The following INPP4B variants were observed in gnomAD, a reference collection of about 807,000 sequenced individuals.
INPP4B encodes the protein inositol polyphosphate 4-phosphatase type II.
A neutral mutation model predicts 122.5 loss-of-function variants in INPP4B; 55 were observed. That is an observed-to-expected ratio of 0.45 (90% CI 0.36 to 0.56). INPP4B has a LOEUF of 0.56. Among genes scored for constraint, INPP4B ranks in the 20% least tolerant of loss-of-function variants. The pLI, the probability that INPP4B is intolerant of heterozygous loss-of-function variation, is 0.00. For missense variants in INPP4B, 1,000 were observed against 1,097.7 expected, an observed-to-expected ratio of 0.91 and a Z score of 1.26; for synonymous variants, 403 against 388.7, an observed-to-expected ratio of 1.04 and a Z score of -0.43.
At chr4:142,335,108 GAAAAAAA>G (rs36074851) in intron 7 of INPP4B, among the ~76,000 whole-genome samples, 1 of 65,164 alleles carries the variant, frequency 1.5e-5, no homozygotes. Flanking sequence ...TGGGAAAAAT[GAAAAAAA>G]AAAAAAAAAA....
chr4:142,494,243 G>A (rs1020045210), intron 2 of INPP4B, among the ~76,000 whole-genome samples: 1 of 152,032 alleles, frequency 6.6e-6, no homozygotes, highest in Admixed American at 6.6e-5. Context: ...ACTAATACAT[G>A]ACTCTGAAGA....
In INPP4B at chr4:142,388,911, C is replaced by T. The variant is rs985186064; in HGVS notation, c.372+14027G>A. Among the ~76,000 whole-genome samples, 6 of 152,182 alleles carry T rather than the reference C, an allele frequency of 3.9e-5. No homozygotes were observed. In the East Asian group the frequency reaches 1.2e-3, roughly 30 times the overall value. ...TTAGGCTGTAGAAACTGCATATTTTCCTAAGCCTGTGTTTCCAAGGACTCC... is the reference window on the plus strand; with the variant it reads ...TTAGGCTGTAGAAACTGCATATTTTTCTAAGCCTGTGTTTCCAAGGACTCC... On this transcript the variant is annotated intron_variant, in intron 7 of 25. Coordinates refer to ENST00000262992, the MANE Select transcript of INPP4B (RefSeq NM_001101669.3).
chr4:142,241,573 G>A (rs1354755281), intron 11 of INPP4B, among the ~76,000 whole-genome samples: 11 of 152,162 alleles, frequency 7.2e-5, no homozygotes, highest in Non-Finnish European at 1.5e-4. Flanking sequence ...TTCAGTAATT[G>A]TGAAAGCCAA....
At chr4:142,452,402 A>G (rs1000279885) in intron 3 of INPP4B, among the ~76,000 whole-genome samples, 2 of 152,226 alleles carry the variant, frequency 1.3e-5, no homozygotes, top group African/African-American at 2.4e-5. Context: ...TGTGTCATTC[A>G]GCAAAAGGGA....
intron 2 of INPP4B, among the ~76,000 whole-genome samples, chr4:142,692,562 TA>T (rs1760343822): frequency 6.6e-6 from 1 of 152,176 alleles, no homozygotes; most frequent in Non-Finnish European, 1.5e-5. Context: ...TTGGAAAGGT[TA>T]AATTAAAGGG....
chr4:142,482,097 T>C (rs922706659), intron 2 of INPP4B, among the ~76,000 whole-genome samples: 1 of 152,192 alleles, frequency 6.6e-6, no homozygotes, highest in Non-Finnish European at 1.5e-5. Context: ...TTGACTGTTA[T>C]GTCTAAATGC....
intron 2 of INPP4B, among the ~76,000 whole-genome samples, chr4:142,626,523 G>C (rs921962965): frequency 6.6e-6 from 1 of 151,966 alleles, no homozygotes; most frequent in Non-Finnish European, 1.5e-5. Context: ...TAAGTAACTG[G>C]ATTCTGCCAA....
chr4:142,723,646 T>C (rs1764974016), intron 2 of INPP4B, among the ~76,000 whole-genome samples: 1 of 152,140 alleles, frequency 6.6e-6, no homozygotes, highest in Non-Finnish European at 1.5e-5. Flanking sequence ...GCTGAGCCCA[T>C]TGCCAGAATT....
At chr4:142,557,759 TC>T (rs1015586269) in intron 2 of INPP4B, among the ~76,000 whole-genome samples, 76 of 152,284 alleles carry the variant, frequency 5.0e-4, no homozygotes, top group African/African-American at 1.8e-3. Context: ...TAATTTATAT[TC>T]CATATAAAAA....
At chr4:142,737,166 C>A (rs890991120) in intron 1 of INPP4B, among the ~76,000 whole-genome samples, 7 of 152,152 alleles carry the variant, frequency 4.6e-5, no homozygotes, top group African/African-American at 1.7e-4. Context: ...CAATCCTAAG[C>A]CAAAAGAACA....
intron 2 of INPP4B, among the ~76,000 whole-genome samples, chr4:142,471,782 A>C (rs1051489580): frequency 2.8e-5 from 4 of 143,562 alleles, no homozygotes; most frequent in African/African-American, 1.0e-4. Flanking sequence ...AAGCCTGAGC[A>C]CCCGCAATCC....
In INPP4B at chr4:142,305,528, A is replaced by G. The variant is rs1763005911; in HGVS notation, c.433T>C (p.Leu145=). 6.2e-7 allele frequency: 1 copy of G among 1,611,766 alleles called. No individual in the cohort carries two copies. Among genetic ancestry groups the G allele is most frequent in the Non-Finnish European group, 8.5e-7 (1 of 1,179,020 alleles). Residue 145 remains leucine (L), a synonymous_variant, in exon 9 of 26, where the codon TTG becomes CTG. Coordinates refer to ENST00000262992, the MANE Select transcript of INPP4B (RefSeq NM_001101669.3). ...CCCACTTTAAAACTGGCATAGCCCA[A>G]GAAACTTCGCTGAAAATAACAGAAA... ...DPPPEVGRSF[L]GYASFKVGEL...
intron 17 of INPP4B, among the ~76,000 whole-genome samples, chr4:142,154,352 T>C (rs1295730447): frequency 1.3e-5 from 2 of 152,216 alleles, no homozygotes; most frequent in Non-Finnish European, 2.9e-5. Flanking sequence ...TTGCCATCAC[T>C]GGTTTCTAGA....
chr4:142,541,807 G>A (rs980754170), intron 2 of INPP4B, among the ~76,000 whole-genome samples: 4 of 152,022 alleles, frequency 2.6e-5, no homozygotes, highest in African/African-American at 9.7e-5. Flanking sequence ...CACATGTAAC[G>A]TTCTCAGCTC....
At chr4:142,564,609 T>C (rs1731238792) in intron 2 of INPP4B, among the ~76,000 whole-genome samples, 1 of 152,092 alleles carries the variant, frequency 6.6e-6, no homozygotes, top group Non-Finnish European at 1.5e-5. Flanking sequence ...ATGAAAATGA[T>C]CTGAATAGAA....
At chr4:142,838,134 T>C (rs976491673) in intron 1 of INPP4B, among the ~76,000 whole-genome samples, 3 of 151,834 alleles carry the variant, frequency 2.0e-5, no homozygotes, top group Non-Finnish European at 4.4e-5. Flanking sequence ...TGAATTGAAC[T>C]ATAGAATTCT....
chr4:142,336,628 G>A (rs994464057), intron 7 of INPP4B, among the ~76,000 whole-genome samples: 1 of 152,244 alleles, frequency 6.6e-6, no homozygotes, highest in African/African-American at 2.4e-5. Context: ...AATCTCTTGA[G>A]TTTTGGGCAT....
Position 142,260,569 on chromosome 4 carries a change from G to GA in INPP4B, c.616-6dup, listed in dbSNP as rs778422193. On this transcript the variant is annotated splice_region_variant and splice_polypyrimidine_tract_variant and intron_variant, in intron 10 of 25. Coordinates refer to ENST00000262992, the MANE Select transcript of INPP4B (RefSeq NM_001101669.3). ...ACATTCACATACCAGGGCACACTAG[G>GA]AAAAAATGTAAAAAAAAAAAAAAAA... is the stretch of plus-strand genomic sequence containing the variant. The GA allele has an allele frequency of 3.5e-6, 5 of 1,437,896 alleles. No individual in the cohort carries two copies. The East Asian group carries it at 1.0e-4, about 29-fold the overall frequency. 89.1% of individuals were successfully genotyped at this position (1,437,896 alleles called of 1,614,324 possible).
At chr4:142,440,591 C>G (rs1404113081) in intron 3 of INPP4B, among the ~76,000 whole-genome samples, 6 of 152,130 alleles carry the variant, frequency 3.9e-5, no homozygotes, top group Non-Finnish European at 7.3e-5. Flanking sequence ...CAGAGCTGCT[C>G]TGTTTGGTGT....
Sources: allele counts gnomAD v4.1 joint callset (sites outside exome capture counted in the v4.1 genomes callset), GRCh38; gene constraint gnomAD v4.1.1; transcripts MANE v1.5; gene names NCBI Gene and HGNC (gene_info 2026-07-23, HGNC 2026-07-21).